Variants in KIF26B observed in about 807,000 individuals in gnomAD.
The protein encoded by KIF26B is kinesin-like protein KIF26B.
KIF26B carries 63 observed loss-of-function variants against 151.2 expected under a neutral mutation model. That is an observed-to-expected ratio of 0.42 (90% CI 0.34 to 0.51). KIF26B has a LOEUF of 0.51. Ranked by LOEUF, KIF26B falls within the 20% of genes least tolerant of loss-of-function variation. The probability of loss-of-function intolerance (pLI) is 0.07; values close to 1 mark genes in which losing one functional copy is unlikely to be tolerated. For missense variants in KIF26B, 2,813 were observed against 2,913.6 expected, an observed-to-expected ratio of 0.97 and a Z score of 0.79; for synonymous variants, 1,357 against 1,262.1, an observed-to-expected ratio of 1.08 and a Z score of -1.59.
chr1:245,702,350 T>C lies in KIF26B; in HGVS notation c.6179-108T>C. 7.8e-7 allele frequency: 1 copy of C among 1,284,916 alleles called. No homozygotes were observed. The highest frequency in any genetic ancestry group is 1.9e-5 in the Admixed American group (1 of 52,360). The allele number at this position is 1,284,916 out of a possible 1,614,324, so 79.6% of individuals were successfully genotyped here. The stretch of plus-strand genomic sequence containing the variant: ...TGGCCTAAGGCAAGCGAACTAGACC[T>C]TTAGACCAAGGGGTAGATGTGGGGG... On this transcript the variant is annotated intron_variant, in intron 14 of 14. Transcript: ENST00000407071. The surrounding 1 kb of genome is among the most constrained non-coding windows in gnomAD (Gnocchi z 4.1).
chr1:245,604,618 C>T (rs1330306297), intron 6 of KIF26B, among the ~76,000 whole-genome samples: 1 of 152,090 alleles, frequency 6.6e-6, no homozygotes, highest in African/African-American at 2.4e-5. Flanking sequence ...GTAAGAATTC[C>T]AAAGCAAACC....
In KIF26B at chr1:245,315,840, C is replaced by T. The variant is rs555087730; in HGVS notation, c.466-50994C>T. On this transcript the variant is annotated intron_variant, in intron 2 of 14. Coordinates refer to ENST00000407071, the MANE Select transcript of KIF26B (RefSeq NM_018012.4). ...CCCGTAGATGGAGGCTGCAGTAAGC[C>T]GTGATGGTGCCACTGCACTGCAGCC... 9.9e-5 allele frequency among the ~76,000 whole-genome samples: 15 copies of T among 152,090 alleles called. No homozygotes were observed. In the East Asian group the frequency reaches 2.5e-3, roughly 25 times the overall value.
intron 2 of KIF26B, among the ~76,000 whole-genome samples, chr1:245,254,040 G>A (rs1047251976): frequency 3.9e-5 from 6 of 152,046 alleles, no homozygotes; most frequent in Non-Finnish European, 8.8e-5. Flanking sequence ...TCGATCTCCT[G>A]ACCTCGTAAT....
chr1:245,680,908 C>G (rs1021511245), intron 10 of KIF26B, among the ~76,000 whole-genome samples: 1 of 152,154 alleles, frequency 6.6e-6, no homozygotes, highest in African/African-American at 2.4e-5. Context: ...TTGCAGTCTC[C>G]TTAGCACTGT....
chr1:245,292,603 T>G (rs925247990), intron 2 of KIF26B, among the ~76,000 whole-genome samples: 1 of 152,182 alleles, frequency 6.6e-6, no homozygotes, highest in Non-Finnish European at 1.5e-5. Flanking sequence ...ATGTGGTAAC[T>G]CAGCAACACC....
intron 8 of KIF26B, among the ~76,000 whole-genome samples, chr1:245,609,971 C>A (rs1482751362): frequency 1.3e-5 from 2 of 152,172 alleles, no homozygotes; most frequent in Admixed American, 6.5e-5. Flanking sequence ...TAACCACTTT[C>A]TAATTAGAAC....
intron 2 of KIF26B, among the ~76,000 whole-genome samples, chr1:245,261,502 TCC>T (rs1316307328): frequency 3.0e-3 from 245 of 80,416 alleles, no homozygotes; most frequent in African/African-American, 0.011. Flanking sequence ...TCTCTCTCTC[TCC>T]CTCCCTCCCT....
At chr1:245,558,396 C>G (rs921926314) in intron 5 of KIF26B, among the ~76,000 whole-genome samples, 5 of 152,236 alleles carry the variant, frequency 3.3e-5, no homozygotes, top group Non-Finnish European at 5.9e-5. Flanking sequence ...ACCTTCGGGC[C>G]TTTGACCTGC....
chr1:245,263,867 C>T (rs1330762300), intron 2 of KIF26B, among the ~76,000 whole-genome samples: 2 of 152,264 alleles, frequency 1.3e-5, no homozygotes, highest in Admixed American at 6.5e-5. Flanking sequence ...AGGAGTTAAC[C>T]GGTTCTTTTG....
chr1:245,671,141 C>G (rs182154463), intron 10 of KIF26B, among the ~76,000 whole-genome samples: 77 of 152,286 alleles, frequency 5.1e-4, no homozygotes, highest in African/African-American at 1.8e-3. Context: ...AAATGATCTC[C>G]ATTTCCATCC....
intron 9 of KIF26B, among the ~76,000 whole-genome samples, chr1:245,637,662 G>A (rs1352502723): frequency 6.6e-6 from 1 of 151,820 alleles, no homozygotes; most frequent in East Asian, 1.9e-4. Context: ...AGTCCATTTT[G>A]AGTTGATTTT....
At chr1:245,694,394 G>T (rs1406145392) in intron 12 of KIF26B, among the ~76,000 whole-genome samples, 1 of 152,224 alleles carries the variant, frequency 6.6e-6, no homozygotes, top group Admixed American at 6.5e-5. Flanking sequence ...GCAGACAGTG[G>T]GCGATGGAGC....
chr1:245,366,977 G>T lies in KIF26B; in HGVS notation c.609G>T (p.Leu203=). The T allele has an allele frequency of 6.2e-7, 1 of 1,613,990 alleles. No individual in the cohort carries two copies. Among genetic ancestry groups the T allele is most frequent in the Non-Finnish European group, 8.5e-7 (1 of 1,179,890 alleles). Reference sequence around the variant, plus strand: ...AGCAGGAGGCCATCCAGATGGTGCTGACGTTGGAGCAGGCAGCCGGCAGTG... The same window carrying T: ...AGCAGGAGGCCATCCAGATGGTGCTTACGTTGGAGCAGGCAGCCGGCAGTG... The part of the protein sequence containing the change: ...QLKQEAIQMV[L]TLEQAAGSEH... Residue 203 remains leucine, a synonymous_variant, in exon 3 of 15, where the codon CTG becomes CTT. Transcript: ENST00000407071.
chr1:245,254,472 A>G (rs552821009), intron 2 of KIF26B, among the ~76,000 whole-genome samples: 6 of 152,310 alleles, frequency 3.9e-5, no homozygotes, highest in South Asian at 2.1e-4. Context: ...GCTAAAGGAA[A>G]AATAACACAT....
chr1:245,678,480 T>C (rs955216378), intron 10 of KIF26B, among the ~76,000 whole-genome samples: 5 of 152,118 alleles, frequency 3.3e-5, no homozygotes, highest in African/African-American at 4.8e-5. Flanking sequence ...ATTTAAATAT[T>C]AGTTGTTGTT....
chr1:245,307,580 G>A (rs1217208029), intron 2 of KIF26B, among the ~76,000 whole-genome samples: 4 of 152,170 alleles, frequency 2.6e-5, no homozygotes, highest in Non-Finnish European at 5.9e-5. Context: ...CACCGCCTGT[G>A]TCTAACAAAT....
chr1:245,198,871 G>T (rs1558342259), intron 2 of KIF26B, among the ~76,000 whole-genome samples: 5 of 148,768 alleles, frequency 3.4e-5, no homozygotes, highest in East Asian at 2.0e-4. Flanking sequence ...TGTAACGGGG[G>T]TTCTAATGTA....
intron 2 of KIF26B, among the ~76,000 whole-genome samples, chr1:245,250,388 A>G (rs550352017): frequency 2.6e-4 from 40 of 152,336 alleles, no homozygotes; most frequent in African/African-American, 9.1e-4. Flanking sequence ...GAACTGTGGT[A>G]TAACTTTCTG....
At chr1:245,311,021 C>T (rs920548981) in intron 2 of KIF26B, among the ~76,000 whole-genome samples, 2 of 152,078 alleles carry the variant, frequency 1.3e-5, no homozygotes, top group African/African-American at 4.8e-5. Context: ...CCAACTGTAC[C>T]CCTCAGGAAT....
Sources: gnomAD v4.1 joint callset for allele counts (sites outside exome capture counted in the v4.1 genomes callset) on GRCh38, gnomAD v4.1.1 for gene constraint, Gnocchi (gnomAD v3.1) non-coding constraint, MANE v1.5 for transcripts, NCBI Gene and HGNC (gene_info 2026-07-23, HGNC 2026-07-21) for gene names.